Variants in ANKRD33B observed in about 807,000 individuals in gnomAD.
The protein encoded by ANKRD33B is ankyrin repeat domain-containing protein 33B.
ANKRD33B carries 6 observed loss-of-function variants against 21.5 expected under a neutral mutation model. The observed-to-expected ratio is 0.28, with a 90% CI of 0.15 to 0.55. The LOEUF is 0.55. ANKRD33B is among the 20% of genes least tolerant of loss of function. The pLI is 0.94. For synonymous variants in ANKRD33B, 347 were observed against 342.4 expected, an observed-to-expected ratio of 1.01 and a Z score of -0.15; for missense variants, 698 against 747.2, an observed-to-expected ratio of 0.93 and a Z score of 0.77.
intron 2 of ANKRD33B, among the ~76,000 whole-genome samples, chr5:10,630,832 C>T (rs923359739): frequency 6.8e-6 from 1 of 148,038 alleles, no homozygotes; most frequent in African/African-American, 2.5e-5. Context: ...AAGGTCGCGC[C>T]ACTGCACTCC....
intron 1 of ANKRD33B, among the ~76,000 whole-genome samples, chr5:10,589,039 A>G (rs186548849): frequency 1.3e-5 from 2 of 152,228 alleles, no homozygotes; most frequent in East Asian, 1.9e-4. Context: ...TTCTGGGTAG[A>G]TAAGACCCCA....
chr5:10,572,481 G>A (rs1429862261), intron 1 of ANKRD33B, among the ~76,000 whole-genome samples: 11 of 152,158 alleles, frequency 7.2e-5, no homozygotes, highest in Admixed American at 7.2e-4. Context: ...TGTGGATGTG[G>A]GTGTCTGTGA....
intron 1 of ANKRD33B, among the ~76,000 whole-genome samples, chr5:10,582,091 A>G (rs1735455441): frequency 6.6e-6 from 1 of 152,154 alleles, no homozygotes; most frequent in South Asian, 2.1e-4. Flanking sequence ...TCCTCTTGCC[A>G]GTCTTCCCCC....
In ANKRD33B at chr5:10,647,243, TAC is replaced by T. The variant is rs555379009; in HGVS notation, c.638-2021_638-2020del. On this transcript the variant is annotated intron_variant, in intron 3 of 3. Transcript: ENST00000296657. ...CCTCAGCCTCCTGAGTAGTTGGGAT[TAC>T]AGGTGCCTGCCACCACGCCCAGCTA... 1.7e-3 allele frequency among the ~76,000 whole-genome samples: 252 copies of T among 152,288 alleles called. 4 individuals carry two copies. Among genetic ancestry groups the T allele is most frequent in the Admixed American group, 0.016 (247 of 15,290 alleles).
intron 1 of ANKRD33B, among the ~76,000 whole-genome samples, chr5:10,581,615 T>G (rs1374442039): frequency 6.6e-6 from 1 of 152,246 alleles, no homozygotes. Flanking sequence ...TAGGCCACAG[T>G]ACCCAGGTAT....
rs1227009918 is a variant in ANKRD33B, at chr5:10,653,981, C to T, written c.*3868C>T. 1 of 152,660 alleles carries T rather than the reference C, an allele frequency of 6.6e-6. No individual in the cohort carries two copies. The highest frequency in any genetic ancestry group is 2.4e-5 in the African/African-American group (1 of 41,462). The allele number at this position is 152,660 out of a possible 1,614,324, so 9.5% of individuals were successfully genotyped here. A position where few individuals can be genotyped will look rare whatever the true frequency, so the allele number is the denominator to read the frequency against. On this transcript the variant is annotated 3_prime_UTR_variant, in exon 4 of 4. Coordinates refer to ENST00000296657, the MANE Select transcript of ANKRD33B (RefSeq NM_001164440.2). ...CCTCTGGCTTTGCCACCACGTTCTC[C>T]TGCCCCCGTCACCTTGTCTCTTCTA...
chr5:10,633,178 C>T (rs1052020315), intron 2 of ANKRD33B, among the ~76,000 whole-genome samples: 6 of 148,174 alleles, frequency 4.0e-5, no homozygotes, highest in South Asian at 2.2e-4. Flanking sequence ...CTTGGCTCAC[C>T]GCAACCTCCA....
intron 1 of ANKRD33B, among the ~76,000 whole-genome samples, chr5:10,571,090 A>G (rs931373605): frequency 6.6e-6 from 1 of 152,314 alleles, no homozygotes; most frequent in East Asian, 1.9e-4. Flanking sequence ...CTGTACTTAC[A>G]GTGCTAATTT....
At chr5:10,604,981 C>T (rs1579729135) in intron 1 of ANKRD33B, among the ~76,000 whole-genome samples, 1 of 152,172 alleles carries the variant, frequency 6.6e-6, no homozygotes, top group African/African-American at 2.4e-5. Flanking sequence ...GAGGGTTTCT[C>T]GTGAGTTGCA....
At chr5:10,632,343 A>G (rs1189340638) in intron 2 of ANKRD33B, among the ~76,000 whole-genome samples, 2 of 152,106 alleles carry the variant, frequency 1.3e-5, no homozygotes, top group African/African-American at 4.8e-5. Flanking sequence ...GGCCTGGGGA[A>G]GAGTCAACCG....
rs1417986896 is a variant in ANKRD33B, at chr5:10,657,166, G to C, written c.*7053G>C. ...TGAAAACCGCAAAAGGCGATGACAGGCCCAGAAATATGACCAGCAAGCCCG... is the reference window on the plus strand; with the variant it reads ...TGAAAACCGCAAAAGGCGATGACAGCCCCAGAAATATGACCAGCAAGCCCG... On this transcript the variant is annotated 3_prime_UTR_variant, in exon 4 of 4. Coordinates refer to ENST00000296657, the MANE Select transcript of ANKRD33B (RefSeq NM_001164440.2). 1 of 152,356 alleles carries C rather than the reference G, an allele frequency of 6.6e-6. No homozygotes were observed. The highest frequency in any genetic ancestry group is 1.5e-5 in the Non-Finnish European group (1 of 68,040). The allele number at this position is 152,356 out of a possible 1,614,324, so 9.4% of individuals were successfully genotyped here.
chr5:10,633,747 G>C (rs540498579), intron 2 of ANKRD33B, among the ~76,000 whole-genome samples: 321 of 152,318 alleles, frequency 2.1e-3, no homozygotes, highest in Non-Finnish European at 2.3e-3. Context: ...AGGAGGACTG[G>C]TCAGGTACAT....
intron 1 of ANKRD33B, among the ~76,000 whole-genome samples, chr5:10,615,154 A>G (rs1434475668): frequency 6.6e-6 from 1 of 152,148 alleles, no homozygotes; most frequent in Non-Finnish European, 1.5e-5. Flanking sequence ...TCTTGTATCC[A>G]CCTAGGGAAG....
intron 1 of ANKRD33B, among the ~76,000 whole-genome samples, chr5:10,615,521 A>T (rs1482677919): frequency 6.6e-6 from 1 of 152,212 alleles, no homozygotes; most frequent in East Asian, 1.9e-4. Flanking sequence ...AGGAATTTTG[A>T]CACAGAGTTA....
chr5:10,592,153 G>T (rs1735709401), intron 1 of ANKRD33B, among the ~76,000 whole-genome samples: 1 of 151,882 alleles, frequency 6.6e-6, no homozygotes, highest in Non-Finnish European at 1.5e-5. Flanking sequence ...ATCCATCACT[G>T]CCCAGATTGC....
At chr5:10,582,925 A>T (rs1011452983) in intron 1 of ANKRD33B, among the ~76,000 whole-genome samples, 7 of 151,392 alleles carry the variant, frequency 4.6e-5, no homozygotes, top group African/African-American at 1.7e-4. Flanking sequence ...GCTCAACCTC[A>T]TTCAGTTTCT....
rs1737443192 is a variant in ANKRD33B at position 10,654,745 on chromosome 5, C to G, written c.*4632C>G. On this transcript the variant is annotated 3_prime_UTR_variant, in exon 4 of 4. Coordinates refer to ENST00000296657, the MANE Select transcript of ANKRD33B (RefSeq NM_001164440.2). ...GAGAATACAGATAGGCCAGTCCTCGCTCTTCCCTCCAGAACCGGCCGCTCC... is the reference window on the plus strand; with the variant it reads ...GAGAATACAGATAGGCCAGTCCTCGGTCTTCCCTCCAGAACCGGCCGCTCC... 6.6e-6 allele frequency: 1 copy of G among 152,414 alleles called. No individual in the cohort carries two copies. Among genetic ancestry groups the G allele is most frequent in the African/African-American group, 2.4e-5 (1 of 41,446 alleles). 9.4% of individuals were successfully genotyped at this position (152,414 alleles called of 1,614,324 possible). A position where few individuals can be genotyped will look rare whatever the true frequency, so the allele number is the denominator to read the frequency against.
At chr5:10,580,566 T>C (rs1366648625) in intron 1 of ANKRD33B, among the ~76,000 whole-genome samples, 2 of 152,150 alleles carry the variant, frequency 1.3e-5, no homozygotes, top group African/African-American at 4.8e-5. Context: ...GAAGAGAAGG[T>C]TGCAGTTGGT....
intron 1 of ANKRD33B, among the ~76,000 whole-genome samples, chr5:10,566,576 T>C (rs1197233333): frequency 6.6e-6 from 1 of 152,206 alleles, no homozygotes; most frequent in Non-Finnish European, 1.5e-5. Flanking sequence ...GTCCCCACTC[T>C]AGGGCACCAC....
Sources: allele counts gnomAD v4.1 joint callset (sites outside exome capture counted in the v4.1 genomes callset), GRCh38; gene constraint gnomAD v4.1.1; transcripts MANE v1.5; gene names NCBI Gene and HGNC (gene_info 2026-07-23, HGNC 2026-07-21).